The following SPDEF variants were observed in gnomAD, a reference collection of about 807,000 sequenced individuals.
SPDEF encodes SAM pointed domain-containing Ets transcription factor.
In SPDEF, 12 loss-of-function variants were observed where a neutral mutation model predicts 36.0. The observed-to-expected ratio is 0.33, with a 90% CI of 0.21 to 0.54. SPDEF has a LOEUF of 0.54. Ranked by LOEUF, SPDEF falls within the 20% of genes least tolerant of loss-of-function variation. SPDEF has a pLI of 0.93. For synonymous variants in SPDEF, 205 were observed against 193.0 expected, an observed-to-expected ratio of 1.06 and a Z score of -0.51; for missense variants, 388 against 456.9, an observed-to-expected ratio of 0.85 and a Z score of 1.37.
intron 1 of SPDEF, among the ~76,000 whole-genome samples, chr6:34,550,517 T>C (rs1768037407): frequency 6.6e-6 from 1 of 152,152 alleles, no homozygotes; most frequent in Admixed American, 6.5e-5. Context: ...GGGAGGTGAC[T>C]GAGTGAGAGA....
chr6:34,539,088 C>A lies in SPDEF; in HGVS notation c.829+162G>T, dbSNP rs185616691. Among the ~76,000 whole-genome samples, 193 of 152,258 alleles carry A rather than the reference C, an allele frequency of 1.3e-3. No homozygotes were observed. The highest frequency in any genetic ancestry group is 4.3e-3 in the African/African-American group (177 of 41,524). On this transcript the variant is annotated intron_variant, in intron 5 of 5. Coordinates refer to ENST00000374037, the MANE Select transcript of SPDEF (RefSeq NM_012391.3). The surrounding 1 kb of genome is among the most constrained non-coding windows in gnomAD (Gnocchi z 5.2). Reference sequence around the variant, plus strand: ...TGTGGACACAGATTGCACACAGACCCCAGGGCTGTCCCATGAGAGCTGCAT... The same window carrying A: ...TGTGGACACAGATTGCACACAGACCACAGGGCTGTCCCATGAGAGCTGCAT...
Position 34,544,209 on chromosome 6 carries a change from G to T in SPDEF, c.247C>A (p.Arg83=). ...TCAGGCTCCTCAGGTGGCTCCTCCC[G>T]ACTGCTGGCCCCAGGGGCCTTGGCT... ...WAAKAPGASS[R]EEPPEEPEQC... The change falls in exon 2 of 6, where the codon CGG becomes AGG. Residue 83 remains arginine, a synonymous_variant. Transcript: ENST00000374037. The surrounding 1 kb of genome is among the most constrained non-coding windows in gnomAD (Gnocchi z 4.4). 1 of 1,613,836 alleles carries T rather than the reference G, an allele frequency of 6.2e-7. No individual in the cohort carries two copies. Among genetic ancestry groups the T allele is most frequent in the Non-Finnish European group, 8.5e-7 (1 of 1,179,956 alleles).
chr6:34,554,156 T>C (rs909351413), intron 1 of SPDEF, among the ~76,000 whole-genome samples: 2 of 152,140 alleles, frequency 1.3e-5, no homozygotes, highest in Admixed American at 6.5e-5. Context: ...ACCTTGAGGG[T>C]CTGTGTCCCC....
chr6:34,539,556 C>G lies in SPDEF; in HGVS notation c.641G>C (p.Trp214Ser). 1 of 1,568,464 alleles carries G rather than the reference C, an allele frequency of 6.4e-7. No homozygotes were observed. Among genetic ancestry groups the G allele is most frequent in the Non-Finnish European group, 8.6e-7 (1 of 1,157,406 alleles). ...AHLDIWKSAA[W>S]MKERTSPGAI... ...CCCAGGTGAAGTCCGCTCTTTCATCCAGGCCGCTGCAGGGCAAGGAGAGGG... is the reference window on the plus strand; with the variant it reads ...CCCAGGTGAAGTCCGCTCTTTCATCGAGGCCGCTGCAGGGCAAGGAGAGGG... Residue 214 changes from tryptophan to serine, a missense_variant, in exon 4 of 6, where the codon TGG (tryptophan) becomes TCG (serine). Trp to Ser is a radical substitution (Grantham distance 177, BLOSUM62 -3). Coordinates refer to ENST00000374037, the MANE Select transcript of SPDEF (RefSeq NM_012391.3). This position sits in a 1 kb window ranked among gnomAD's most constrained non-coding sequence, Gnocchi z 5.2.
Position 34,540,988 on chromosome 6 carries a change from C to A in SPDEF, c.630G>T (p.Lys210Asn). ...CCCAGCCATGCCACATCCTACCTGA[C>A]TTCCAGATGTCCAGGTGGGCGTGCA... ...DVLHAHLDIW[K>N]SAAWMKERTS... The change falls in exon 3 of 6, where the codon AAG becomes AAT. Residue 210 changes from lysine to asparagine, a missense_variant. Transcript: ENST00000374037. 6.2e-7 allele frequency: 1 copy of A among 1,610,258 alleles called. No individual in the cohort carries two copies. Among genetic ancestry groups the A allele is most frequent in the Admixed American group, 1.7e-5 (1 of 59,950 alleles).
chr6:34,541,827 T>A (rs996689284), intron 2 of SPDEF, among the ~76,000 whole-genome samples: 6 of 152,122 alleles, frequency 3.9e-5, no homozygotes, highest in African/African-American at 1.4e-4. Context: ...CTTGGCTAGG[T>A]CCTAGATGTC....
At chr6:34,548,825 C>T (rs1356468152) in intron 1 of SPDEF, among the ~76,000 whole-genome samples, 2 of 152,082 alleles carry the variant, frequency 1.3e-5, no homozygotes, top group African/African-American at 2.4e-5. Context: ...TTCCTAGGCT[C>T]GCCTCATCTG....
At chr6:34,543,949 C>A in intron 2 of SPDEF, 71 bp downstream of exon 2, 2 of 1,511,750 alleles carry the variant, frequency 1.3e-6, no homozygotes, top group East Asian at 2.3e-5. Context: ...AGCAGTGCCC[C>A]GACCCACCCC....
In SPDEF at chr6:34,541,050, G is replaced by T. The variant is rs762936949; in HGVS notation, c.568C>A (p.Gln190Lys). ...CCCAGGGGCGAGCGCTGGCGGAACT[G>T]CTCCTCCGACATGGCGCACAGCTCC... ...GKELCAMSEE[Q>K]FRQRSPLGGD... The change falls in exon 3 of 6, where the codon CAG becomes AAG. Residue 190 changes from glutamine to lysine, a missense_variant. This residue lies in a region of SPDEF where 308 missense variants were observed against 326.1 expected (regional missense o/e 0.94). Coordinates refer to ENST00000374037, the MANE Select transcript of SPDEF (RefSeq NM_012391.3). The T allele has an allele frequency of 6.2e-7, 1 of 1,612,496 alleles. No homozygotes were observed. Among genetic ancestry groups the T allele is most frequent in the Non-Finnish European group, 8.5e-7 (1 of 1,179,858 alleles).
chr6:34,549,031 T>C (rs1278861366), intron 1 of SPDEF, among the ~76,000 whole-genome samples: 4 of 152,214 alleles, frequency 2.6e-5, no homozygotes, highest in African/African-American at 9.6e-5. Context: ...ACGTGCCAGG[T>C]GTCTGCCATG....
chr6:34,545,465 C>T (rs3822986), intron 1 of SPDEF, among the ~76,000 whole-genome samples: 1,712 of 152,372 alleles, frequency 0.011, 44 homozygotes, highest in East Asian at 0.096. Flanking sequence ...CCCCACGGGC[C>T]GCCCCGGCTT....
intron 1 of SPDEF, among the ~76,000 whole-genome samples, chr6:34,553,302 G>A (rs1387380495): frequency 1.7e-4 from 26 of 152,134 alleles, no homozygotes. Context: ...AAGGAGCTTG[G>A]CATTAAATGT....
At position 34,538,544 on chromosome 6, in the gene SPDEF, C is replaced by A; in HGVS notation, c.830-92G>T. On this transcript the variant is annotated intron_variant, in intron 5 of 5. Coordinates refer to ENST00000374037, the MANE Select transcript of SPDEF (RefSeq NM_012391.3). This position sits in a 1 kb window ranked among gnomAD's most constrained non-coding sequence, Gnocchi z 5.9. ...ACCACCAGGTCAGCCTCGTGGCGAA[C>A]CAAGGGACCCCGTGCAGAGGCCTCC... 3.7e-6 allele frequency: 5 copies of A among 1,348,412 alleles called. No homozygotes were observed. Among genetic ancestry groups the A allele is most frequent in the Non-Finnish European group, 5.1e-6 (5 of 984,510 alleles). The allele number at this position is 1,348,412 out of a possible 1,614,324, so 83.5% of individuals were successfully genotyped here. A position where few individuals can be genotyped will look rare whatever the true frequency, so the allele number is the denominator to read the frequency against.
rs2233635 is a variant in SPDEF at position 34,544,488 on chromosome 6, C to T, written c.-29-4G>A. 0.018 allele frequency: 26,824 copies of T among 1,501,878 alleles called. 1,134 individuals carry two copies. Among genetic ancestry groups the T allele is most frequent in the African/African-American group, 0.16 (11,594 of 71,832 alleles). 93.0% of individuals were successfully genotyped at this position (1,501,878 alleles called of 1,614,324 possible). ...CTGTTTGGGCTGGCGGCTGTGTCTACGGAAATGAAAGAGGACTCAGGTTTG... is the reference window on the plus strand; with the variant it reads ...CTGTTTGGGCTGGCGGCTGTGTCTATGGAAATGAAAGAGGACTCAGGTTTG... On this transcript the variant is annotated splice_region_variant and splice_polypyrimidine_tract_variant and intron_variant, in intron 1 of 5. Transcript: ENST00000374037. The surrounding 1 kb of genome is among the most constrained non-coding windows in gnomAD (Gnocchi z 4.4).
At position 34,552,185 on chromosome 6, in the gene SPDEF, T is replaced by C. The variant is rs996889397; in HGVS notation, c.-30+3744A>G. On this transcript the variant is annotated intron_variant, in intron 1 of 5. Coordinates refer to ENST00000374037, the MANE Select transcript of SPDEF (RefSeq NM_012391.3). This position sits in a 1 kb window ranked among gnomAD's most constrained non-coding sequence, Gnocchi z 4.6. Reference sequence around the variant, plus strand: ...ACACTCCTTGAAGGGCCGGCCACAGTACCTTCCCTCTTCCCTACCCTCCTC... The same window carrying C: ...ACACTCCTTGAAGGGCCGGCCACAGCACCTTCCCTCTTCCCTACCCTCCTC... Among the ~76,000 whole-genome samples the C allele has an allele frequency of 1.3e-5, 2 of 151,830 alleles. No homozygotes were observed. Among genetic ancestry groups the C allele is most frequent in the Non-Finnish European group, 2.9e-5 (2 of 67,982 alleles).
At chr6:34,549,449 C>T (rs6935147) in intron 1 of SPDEF, among the ~76,000 whole-genome samples, 3,939 of 152,302 alleles carry the variant, frequency 0.026, 140 homozygotes, top group African/African-American at 0.085. Flanking sequence ...ACTCTCACCC[C>T]TCGGGGCTAG....
rs1409768419 is a variant in SPDEF at position 34,552,535 on chromosome 6, G to C, written c.-30+3394C>G. 6.6e-6 allele frequency among the ~76,000 whole-genome samples: 1 copy of C among 152,190 alleles called. No homozygotes were observed. Among genetic ancestry groups the C allele is most frequent in the Non-Finnish European group, 1.5e-5 (1 of 68,040 alleles). On this transcript the variant is annotated intron_variant, in intron 1 of 5. Coordinates refer to ENST00000374037, the MANE Select transcript of SPDEF (RefSeq NM_012391.3). The surrounding 1 kb of genome is among the most constrained non-coding windows in gnomAD (Gnocchi z 4.6). ...GGTGACTGCTGTCTCCATCTGCCGT[G>C]TTTCTGCGGCCCCTCCAGACCCAGC... is the stretch of plus-strand genomic sequence containing the variant.
intron 2 of SPDEF, among the ~76,000 whole-genome samples, chr6:34,543,025 C>T (rs551475921): frequency 1.3e-3 from 191 of 150,994 alleles, no homozygotes; most frequent in African/African-American, 4.2e-3. Context: ...AACCCTGTCT[C>T]TACTAAAAAT....
intron 1 of SPDEF, among the ~76,000 whole-genome samples, chr6:34,551,959 A>G (rs1768071110): frequency 6.6e-6 from 1 of 152,184 alleles, no homozygotes; most frequent in African/African-American, 2.4e-5. Flanking sequence ...AGAAATTGCC[A>G]TTCACGTCTT....
Sources: allele counts gnomAD v4.1 joint callset (sites outside exome capture counted in the v4.1 genomes callset), GRCh38; gene constraint gnomAD v4.1.1; regional missense constraint gnomAD v4.1.1; non-coding constraint Gnocchi (gnomAD v3.1); transcripts MANE v1.5; gene names NCBI Gene and HGNC (gene_info 2026-07-23, HGNC 2026-07-21).